OCA2: variants seen among roughly 807,000 people sequenced by gnomAD.
OCA2 encodes the protein P protein.
OCA2 carries 77 observed loss-of-function variants against 100.2 expected under a neutral mutation model. That is an observed-to-expected ratio of 0.77 (90% CI 0.64 to 0.93). OCA2 has a LOEUF of 0.93. Among genes scored for constraint, OCA2 ranks in the 40% least tolerant of loss-of-function variants. OCA2 has a pLI of 0.00. For synonymous variants in OCA2, 432 were observed against 439.2 expected, an observed-to-expected ratio of 0.98 and a Z score of 0.21; for missense variants, 1,062 against 1,089.1, an observed-to-expected ratio of 0.98 and a Z score of 0.35.
chr15:27,914,500 C>G (rs1005297362), intron 19 of OCA2, among the ~76,000 whole-genome samples: 10 of 151,984 alleles, frequency 6.6e-5, no homozygotes, highest in African/African-American at 2.2e-4. Context: ...AGCAGATAAA[C>G]AACTCCAGCA....
chr15:27,818,287 GC>G (rs2034379938), intron 23 of OCA2, among the ~76,000 whole-genome samples: 1 of 152,182 alleles, frequency 6.6e-6, no homozygotes, highest in South Asian at 2.1e-4. Flanking sequence ...TACTCGGGAG[GC>G]TGAGGCAGGA....
intron 14 of OCA2, 134 bp downstream of exon 14, chr15:27,983,211 A>T: frequency 9.4e-7 from 1 of 1,067,988 alleles, no homozygotes; most frequent in Non-Finnish European, 1.4e-6. Flanking sequence ...CAGTCTTGAG[A>T]TGCCCAGTAG....
At chr15:28,012,206 T>A (rs1456534443) in intron 9 of OCA2, among the ~76,000 whole-genome samples, 1 of 152,160 alleles carries the variant, frequency 6.6e-6, no homozygotes, top group Non-Finnish European at 1.5e-5. Context: ...ATTATCATCA[T>A]TAGAGAAATT....
At chr15:27,881,238 G>C (rs767495245) in intron 19 of OCA2, among the ~76,000 whole-genome samples, 1 of 152,154 alleles carries the variant, frequency 6.6e-6, no homozygotes, top group Non-Finnish European at 1.5e-5. Context: ...TAAGCTTTTT[G>C]ATGTGCTGCT....
Position 28,080,206 on chromosome 15 carries a change from C to T in OCA2, c.227+1442G>A, listed in dbSNP as rs1595923693. ...TTAAAGAAAAGGAAAAGGCAAGCTC[C>T]TCGCTGGGAGAAGATCCTGCAACAT... On this transcript the variant is annotated intron_variant, in intron 2 of 23. Coordinates refer to ENST00000354638, the MANE Select transcript of OCA2 (RefSeq NM_000275.3). 1.3e-5 allele frequency among the ~76,000 whole-genome samples: 2 copies of T among 152,300 alleles called. 1 individual carries two copies.
At chr15:28,088,552 A>G (rs975093044) in intron 1 of OCA2, among the ~76,000 whole-genome samples, 3 of 152,178 alleles carry the variant, frequency 2.0e-5, no homozygotes, top group African/African-American at 7.2e-5. Flanking sequence ...TATTTTCCCT[A>G]AGTGTCGGCT....
At chr15:27,850,560 C>CA (rs973952079) in intron 22 of OCA2, among the ~76,000 whole-genome samples, 14 of 152,264 alleles carry the variant, frequency 9.2e-5, no homozygotes, top group Admixed American at 3.9e-4. Flanking sequence ...AGGCATCAGT[C>CA]ACTGACTTAC....
At chr15:27,928,467 A>G (rs1239322328) in intron 18 of OCA2, among the ~76,000 whole-genome samples, 2 of 152,194 alleles carry the variant, frequency 1.3e-5, no homozygotes, top group Non-Finnish European at 2.9e-5. Context: ...TTCATAGGTC[A>G]GAGGATGCTG....
downstream of OCA2, among the ~76,000 whole-genome samples, chr15:27,753,455 C>A (rs985815436): frequency 3.9e-5 from 6 of 152,012 alleles, no homozygotes; most frequent in Non-Finnish European, 7.4e-5. Context: ...AGGGATGGGC[C>A]GGGCACGGTG....
intron 1 of OCA2, among the ~76,000 whole-genome samples, chr15:28,082,760 C>G (rs4074658): frequency 0.34 from 50,991 of 152,016 alleles, 10,969 homozygotes; most frequent in East Asian, 0.93. Context: ...CACGGGGGTC[C>G]TTTTTCTTTG....
intron 18 of OCA2, among the ~76,000 whole-genome samples, chr15:27,934,683 G>C (rs1281929008): frequency 6.6e-6 from 1 of 152,130 alleles, no homozygotes; most frequent in Non-Finnish European, 1.5e-5. Flanking sequence ...GTCCTTTAGG[G>C]CTCTTTTTAT....
intron 9 of OCA2, among the ~76,000 whole-genome samples, chr15:28,005,967 C>T (rs2042079621): frequency 6.6e-6 from 1 of 152,202 alleles, no homozygotes; most frequent in Non-Finnish European, 1.5e-5. Context: ...AGAAGCGCCA[C>T]ACCCTGGTGA....
chr15:27,750,102 A>G (rs906323638), downstream of OCA2, among the ~76,000 whole-genome samples: 4 of 152,200 alleles, frequency 2.6e-5, no homozygotes, highest in Non-Finnish European at 5.9e-5. Context: ...TTCTCCACTT[A>G]AAGCCACCTA....
chr15:28,068,974 C>T (rs2044109091), intron 2 of OCA2, among the ~76,000 whole-genome samples: 1 of 152,178 alleles, frequency 6.6e-6, no homozygotes, highest in South Asian at 2.1e-4. Context: ...GACAAACCTA[C>T]AGCCAGCATC....
chr15:27,893,694 GA>G (rs2037562580), intron 19 of OCA2, among the ~76,000 whole-genome samples: 1 of 152,118 alleles, frequency 6.6e-6, no homozygotes, highest in Non-Finnish European at 1.5e-5. Context: ...CTAGGGTGGG[GA>G]AAAACTCCAC....
intron 23 of OCA2, among the ~76,000 whole-genome samples, chr15:27,821,631 CTTGCACACA>C (rs1353100926): frequency 1.2e-4 from 16 of 133,580 alleles, no homozygotes; most frequent in South Asian, 3.4e-4. Flanking sequence ...TGTGTGCACA[CTTGCACACA>C]AGTGTGCACA....
intron 19 of OCA2, among the ~76,000 whole-genome samples, chr15:27,883,344 C>A (rs531999630): frequency 1.1e-3 from 165 of 152,258 alleles, no homozygotes; most frequent in African/African-American, 3.9e-3. Flanking sequence ...TGATTTTTGT[C>A]CAGTTTTCAT....
intron 23 of OCA2, among the ~76,000 whole-genome samples, chr15:27,773,246 T>C (rs1231707979): frequency 1.3e-5 from 2 of 152,184 alleles, no homozygotes; most frequent in African/African-American, 4.8e-5. Context: ...GGTTTAGGTT[T>C]TGAGTTTTTT....
chr15:28,005,287 T>A (rs1293674994), intron 9 of OCA2, among the ~76,000 whole-genome samples: 1 of 151,822 alleles, frequency 6.6e-6, no homozygotes, highest in Non-Finnish European at 1.5e-5. Context: ...CTTCACTGCC[T>A]CCCAAGCCCC....
Sources: gnomAD v4.1 joint callset for allele counts (sites outside exome capture counted in the v4.1 genomes callset) on GRCh38, gnomAD v4.1.1 for gene constraint, MANE v1.5 for transcripts, NCBI Gene and HGNC (gene_info 2026-07-23, HGNC 2026-07-21) for gene names.